PHF21A: variants seen among roughly 807,000 people sequenced by gnomAD.
The protein encoded by PHF21A is BHC80a.
In PHF21A, 11 loss-of-function variants were observed where a neutral mutation model predicts 82.5. That is an observed-to-expected ratio of 0.13 (90% CI 0.08 to 0.22). The LOEUF is 0.22. PHF21A is among the 10% of genes least tolerant of loss of function. The probability of loss-of-function intolerance (pLI) is 1.00; values close to 1 mark genes in which losing one functional copy is unlikely to be tolerated. For missense variants in PHF21A, 579 were observed against 837.8 expected (o/e 0.69, Z 3.81); for synonymous variants, 297 against 302.8 (o/e 0.98, Z 0.20).
At chr11:46,020,385 C>A (rs528271782) in intron 6 of PHF21A, among the ~76,000 whole-genome samples, 10 of 152,224 alleles carry the variant, frequency 6.6e-5, no homozygotes, top group African/African-American at 2.2e-4. Context: ...ACCAGGAGCG[C>A]CTGCTCTGAC....
At chr11:46,034,729 C>T (rs1367859609) in intron 6 of PHF21A, among the ~76,000 whole-genome samples, 2 of 152,102 alleles carry the variant, frequency 1.3e-5, no homozygotes, top group African/African-American at 4.8e-5. Context: ...CAAATCCACA[C>T]ACTGAGACAC....
intron 15 of PHF21A, among the ~76,000 whole-genome samples, chr11:45,942,500 T>C (rs555218712): frequency 5.9e-5 from 9 of 152,356 alleles, no homozygotes; most frequent in African/African-American, 1.9e-4. Flanking sequence ...TCTTTGGCGC[T>C]AGCAAACAAG....
chr11:46,096,486 T>C (rs955974281), intron 1 of PHF21A, among the ~76,000 whole-genome samples: 7 of 152,146 alleles, frequency 4.6e-5, no homozygotes, highest in Admixed American at 2.0e-4. Context: ...TAACAGTTGT[T>C]AAATCCAACA....
rs1415403806 is a variant in PHF21A, at chr11:45,994,060, A to C, written c.154-14094T>G. On this transcript the variant is annotated intron_variant, in intron 6 of 18. Transcript: ENST00000676320. ...TGAGCAGGGATAAATGCTGGAGCCA[A>C]CCCAACAAGAATGATATACTTCCTC... Among the ~76,000 whole-genome samples the C allele has an allele frequency of 2.6e-5, 4 of 152,148 alleles. No individual in the cohort carries two copies. The East Asian group carries it at 7.7e-4, about 29-fold the overall frequency.
intron 6 of PHF21A, among the ~76,000 whole-genome samples, chr11:46,018,876 A>G (rs1487373904): frequency 6.6e-6 from 1 of 152,218 alleles, no homozygotes; most frequent in Admixed American, 6.5e-5. Flanking sequence ...CACATCACCA[A>G]TTTCTAAAAT....
At chr11:46,042,800 GTCCT>G (rs1565694131) in intron 6 of PHF21A, among the ~76,000 whole-genome samples, 36 of 151,966 alleles carry the variant, frequency 2.4e-4, no homozygotes, top group Admixed American at 2.2e-3. Context: ...TTCTTGCTAT[GTCCT>G]CACAGCAAGA....
chr11:45,981,686 G>T (rs1051600348), intron 6 of PHF21A, among the ~76,000 whole-genome samples: 4 of 151,990 alleles, frequency 2.6e-5, no homozygotes, highest in South Asian at 2.1e-4. Flanking sequence ...TGAAGAAAAA[G>T]AAGTGAATGA....
chr11:46,024,030 G>A (rs542278989), intron 6 of PHF21A, among the ~76,000 whole-genome samples: 71 of 152,292 alleles, frequency 4.7e-4, no homozygotes, highest in African/African-American at 1.6e-3. Flanking sequence ...GAACACTGAT[G>A]TTCTAAGGAA....
chr11:46,062,755 T>G (rs766362418), intron 6 of PHF21A, among the ~76,000 whole-genome samples: 5 of 152,200 alleles, frequency 3.3e-5, no homozygotes, highest in Non-Finnish European at 7.3e-5. Flanking sequence ...TTGGAAAACA[T>G]TTTGGCAGTT....
At chr11:45,935,549 G>A (rs1354647109) in intron 18 of PHF21A, 87 bp downstream of exon 18, 1 of 800,140 alleles carries the variant, frequency 1.2e-6, no homozygotes, top group South Asian at 1.5e-5. Flanking sequence ...GAAACAGCCT[G>A]GGGCCCACAC....
intron 6 of PHF21A, among the ~76,000 whole-genome samples, chr11:46,013,739 G>A (rs1418471490): frequency 6.6e-6 from 1 of 152,142 alleles, no homozygotes; most frequent in Non-Finnish European, 1.5e-5. Flanking sequence ...GCTAAACCTA[G>A]GAGCAGGTTA....
chr11:46,056,211 A>G (rs985113227), intron 6 of PHF21A, among the ~76,000 whole-genome samples: 1 of 152,186 alleles, frequency 6.6e-6, no homozygotes, highest in Non-Finnish European at 1.5e-5. Flanking sequence ...TAAGTTAGAT[A>G]GCAATTTAGC....
At chr11:45,961,592 T>A (rs898444450) in intron 10 of PHF21A, among the ~76,000 whole-genome samples, 1 of 152,182 alleles carries the variant, frequency 6.6e-6, no homozygotes, top group Non-Finnish European at 1.5e-5. Context: ...GCAATTTTTT[T>A]CCCCACAGAA....
intron 6 of PHF21A, among the ~76,000 whole-genome samples, chr11:46,001,718 G>A (rs561758841): frequency 2.4e-4 from 36 of 152,284 alleles, no homozygotes; most frequent in African/African-American, 8.2e-4. Flanking sequence ...TAGGCCATGG[G>A]AGAATAAAAC....
intron 6 of PHF21A, among the ~76,000 whole-genome samples, chr11:46,017,582 GAA>G (rs551575121): frequency 7.5e-6 from 1 of 134,206 alleles, no homozygotes; most frequent in African/African-American, 2.7e-5. Flanking sequence ...CCTTAAGGGG[GAA>G]AAAAAAAAAA....
chr11:46,069,034 C>T (rs1439717448), intron 6 of PHF21A, among the ~76,000 whole-genome samples: 1 of 152,176 alleles, frequency 6.6e-6, no homozygotes, highest in Admixed American at 6.5e-5. Context: ...CACAATCACA[C>T]TCCAAGAAGA....
chr11:45,939,178 A>C (rs1039074233), intron 15 of PHF21A, among the ~76,000 whole-genome samples: 9 of 152,232 alleles, frequency 5.9e-5, no homozygotes, highest in Admixed American at 2.6e-4. Context: ...TATAGTCGCC[A>C]AGGCCAAAAT....
At chr11:45,998,686 A>G (rs1181639472) in intron 6 of PHF21A, among the ~76,000 whole-genome samples, 1 of 151,040 alleles carries the variant, frequency 6.6e-6, no homozygotes, top group African/African-American at 2.4e-5. Context: ...CTAATTTTGT[A>G]TTTTTAGTAG....
At chr11:45,950,086 G>A in intron 12 of PHF21A, 120 bp downstream of exon 12, 1 of 741,196 alleles carries the variant, frequency 1.3e-6, no homozygotes, top group Non-Finnish European at 2.2e-6. Context: ...AGTCCACATT[G>A]GCTGAATCAT....
Sources: gnomAD v4.1 joint callset for allele counts (sites outside exome capture counted in the v4.1 genomes callset) on GRCh38, gnomAD v4.1.1 for gene constraint, MANE v1.5 for transcripts, NCBI Gene and HGNC (gene_info 2026-07-23, HGNC 2026-07-21) for gene names.